The following CABCOCO1 variants were observed in gnomAD, a reference collection of about 807,000 sequenced individuals.
CABCOCO1 encodes the protein ciliary-associated calcium-binding coiled-coil protein 1.
Under a neutral mutation model 35.7 loss-of-function variants are expected in CABCOCO1, and 28 were observed. The ratio of observed to expected loss-of-function variants is 0.78; its 90% CI spans 0.58 to 1.07. The LOEUF (loss-of-function observed/expected upper bound fraction) is 1.07. Ranked by LOEUF, CABCOCO1 falls within the 50% of genes least tolerant of loss-of-function variation. CABCOCO1 has a pLI of 0.00. For missense variants in CABCOCO1, 326 were observed against 309.2 expected (o/e 1.05, Z -0.41); for synonymous variants, 95 against 100.1 (o/e 0.95, Z 0.30).
rs557326018 is a variant in CABCOCO1 at position 61,680,391 on chromosome 10, T to A, written c.165-752T>A. 4.9e-4 allele frequency among the ~76,000 whole-genome samples: 65 copies of A among 133,402 alleles called. No homozygotes were observed. The South Asian group carries it at 0.013, about 27-fold the overall frequency. 87.5% of individuals were successfully genotyped at this position (133,402 alleles called of 152,430 possible). A position where few individuals can be genotyped will look rare whatever the true frequency, so the allele number is the denominator to read the frequency against. On this transcript the variant is annotated intron_variant, in intron 2 of 7. Coordinates refer to ENST00000648843, the MANE Select transcript of CABCOCO1 (RefSeq NM_001366906.2). ...TTATATACATATAACATATAATATA[T>A]ATATTTTTATATATAACATATATAA...
At chr10:61,689,127 G>GA (rs1298797424) in intron 4 of CABCOCO1, among the ~76,000 whole-genome samples, 1 of 152,218 alleles carries the variant, frequency 6.6e-6, no homozygotes, top group East Asian at 1.9e-4. Context: ...GCAAGATGGA[G>GA]AAAGGGAAAT....
At chr10:61,742,667 G>A (rs950638783) in intron 5 of CABCOCO1, among the ~76,000 whole-genome samples, 2 of 152,102 alleles carry the variant, frequency 1.3e-5, no homozygotes, top group Non-Finnish European at 2.9e-5. Flanking sequence ...AACAATGTGT[G>A]CAAAATGCTT....
At chr10:61,751,191 CT>C (rs1372390280) in intron 5 of CABCOCO1, among the ~76,000 whole-genome samples, 10 of 149,306 alleles carry the variant, frequency 6.7e-5, no homozygotes, top group South Asian at 2.1e-4. Flanking sequence ...CTTTGCTTCG[CT>C]CTGCTTTGCT....
chr10:61,663,654 T>C (rs973213457), intron 1 of CABCOCO1, among the ~76,000 whole-genome samples: 1 of 152,190 alleles, frequency 6.6e-6, no homozygotes, highest in Non-Finnish European at 1.5e-5. Flanking sequence ...AGCTTGACTT[T>C]AGGAAAGTTA....
chr10:61,683,394 TA>T (rs1360311477), intron 3 of CABCOCO1, among the ~76,000 whole-genome samples: 2 of 150,774 alleles, frequency 1.3e-5, no homozygotes, highest in African/African-American at 2.4e-5. Flanking sequence ...ACCCCATATC[TA>T]AAAAAAAATT....
Position 61,760,113 on chromosome 10 carries a change from G to A in CABCOCO1, c.607G>A (p.Glu203Lys), listed in dbSNP as rs1369670991. ...ACGPFPNPLEEGISFDIYSTF... is the reference protein window; with the variant it reads ...ACGPFPNPLEKGISFDIYSTF... ...TGGCCCTTTCCCAAATCCTCTGGAA[G>A]AAGGAATCTCATTTGATATTTATTC... The change falls in exon 6 of 8, where the codon GAA becomes AAA. Residue 203 changes from glutamate (E) to lysine (K), a missense_variant. Physicochemically the swap from Glu to Lys is moderately conservative, Grantham distance 56. Coordinates refer to ENST00000648843, the MANE Select transcript of CABCOCO1 (RefSeq NM_001366906.2). The A allele has an allele frequency of 1.9e-6, 3 of 1,612,364 alleles. No homozygotes were observed. Among genetic ancestry groups the A allele is most frequent in the Non-Finnish European group, 2.5e-6 (3 of 1,178,862 alleles).
intron 5 of CABCOCO1, among the ~76,000 whole-genome samples, chr10:61,751,032 C>T (rs576684140): frequency 1.3e-5 from 2 of 151,986 alleles, no homozygotes; most frequent in Non-Finnish European, 1.5e-5. Context: ...AGCACAAGGG[C>T]GATGACGAGA....
chr10:61,683,030 A>G (rs1231797475), intron 3 of CABCOCO1, among the ~76,000 whole-genome samples: 2 of 151,908 alleles, frequency 1.3e-5, no homozygotes, highest in Admixed American at 6.6e-5. Flanking sequence ...AGCTGGGACT[A>G]CAGGCATGCG....
intron 5 of CABCOCO1, among the ~76,000 whole-genome samples, chr10:61,723,190 A>G (rs1160532521): frequency 1.3e-5 from 2 of 152,244 alleles, no homozygotes; most frequent in African/African-American, 2.4e-5. Context: ...GCTCATTGAC[A>G]TAAGTCACCA....
intron 5 of CABCOCO1, among the ~76,000 whole-genome samples, chr10:61,756,692 A>G (rs896482513): frequency 6.6e-6 from 1 of 152,088 alleles, no homozygotes; most frequent in Non-Finnish European, 1.5e-5. Flanking sequence ...CTGATTTTTA[A>G]TCTCAGCATT....
intron 5 of CABCOCO1, among the ~76,000 whole-genome samples, chr10:61,734,211 T>C (rs1255425587): frequency 6.6e-6 from 1 of 152,164 alleles, no homozygotes; most frequent in East Asian, 1.9e-4. Context: ...TTTTATCATA[T>C]GTGGCACGTG....
At chr10:61,734,529 A>G (rs899655758) in intron 5 of CABCOCO1, among the ~76,000 whole-genome samples, 4 of 151,772 alleles carry the variant, frequency 2.6e-5, no homozygotes, top group African/African-American at 7.3e-5. Context: ...AAAAAAAAAC[A>G]CTAAAAAGAC....
intron 1 of CABCOCO1, among the ~76,000 whole-genome samples, chr10:61,666,804 A>G (rs1839187707): frequency 6.6e-6 from 1 of 150,606 alleles, no homozygotes; most frequent in Admixed American, 6.7e-5. Context: ...TCCCATTGAG[A>G]ACAGACTGAC....
At chr10:61,709,321 C>T (rs1195313454) in intron 5 of CABCOCO1, among the ~76,000 whole-genome samples, 2 of 152,020 alleles carry the variant, frequency 1.3e-5, no homozygotes, top group Non-Finnish European at 2.9e-5. Context: ...TATTGTTTGA[C>T]TTTGCTTGGA....
Position 61,766,107 on chromosome 10 carries a change from T to G in CABCOCO1, c.*94T>G. On this transcript the variant is annotated 3_prime_UTR_variant, in exon 8 of 8. Coordinates refer to ENST00000648843, the MANE Select transcript of CABCOCO1 (RefSeq NM_001366906.2). ...CTCTGGAGCGTCGTGTCTCCATCAC[T>G]TAGTTGTGAAAGGAAAACCAAGCCC... 8.6e-7 allele frequency: 1 copy of G among 1,161,538 alleles called. No homozygotes were observed. The highest frequency in any genetic ancestry group is 1.2e-6 in the Non-Finnish European group (1 of 818,480). The allele number at this position is 1,161,538 out of a possible 1,614,324, so 72.0% of individuals were successfully genotyped here.
At chr10:61,751,384 C>T (rs1280911179) in intron 5 of CABCOCO1, among the ~76,000 whole-genome samples, 1 of 151,934 alleles carries the variant, frequency 6.6e-6, no homozygotes, top group African/African-American at 2.4e-5. Context: ...ACAGGTGGGA[C>T]AGGCATCAGC....
At chr10:61,694,363 T>A (rs1840237250) in intron 5 of CABCOCO1, among the ~76,000 whole-genome samples, 1 of 150,468 alleles carries the variant, frequency 6.6e-6, no homozygotes, top group African/African-American at 2.4e-5. Flanking sequence ...TTCTTAAATA[T>A]GAAATTTAGA....
intron 5 of CABCOCO1, among the ~76,000 whole-genome samples, chr10:61,755,323 A>G (rs1459154092): frequency 6.6e-6 from 1 of 152,114 alleles, no homozygotes; most frequent in African/African-American, 2.4e-5. Context: ...CCACACAAGT[A>G]CTTCTTAATT....
chr10:61,723,137 A>C (rs185377799), intron 5 of CABCOCO1, among the ~76,000 whole-genome samples: 7 of 152,346 alleles, frequency 4.6e-5, no homozygotes, highest in Admixed American at 3.9e-4. Flanking sequence ...TAAAAGAATA[A>C]CACGTCATGA....
Sources: gnomAD v4.1 joint callset for allele counts (sites outside exome capture counted in the v4.1 genomes callset) on GRCh38, gnomAD v4.1.1 for gene constraint, MANE v1.5 for transcripts, NCBI Gene and HGNC (gene_info 2026-07-23, HGNC 2026-07-21) for gene names.